The following SGCZ variants were observed in gnomAD, a reference collection of about 807,000 sequenced individuals.
The protein encoded by SGCZ is sarcoglycan zeta.
Under a neutral mutation model 41.3 loss-of-function variants are expected in SGCZ, and 40 were observed. The ratio of observed to expected loss-of-function variants is 0.97; its 90% CI spans 0.75 to 1.26. The LOEUF is 1.26. Among genes scored for constraint, SGCZ ranks in the 50% most tolerant of loss-of-function variants. The pLI, the probability that SGCZ is intolerant of heterozygous loss-of-function variation, is 0.00. For synonymous variants in SGCZ, 206 were observed against 137.5 expected, an observed-to-expected ratio of 1.50 and a Z score of -3.49; for missense variants, 552 against 369.8, an observed-to-expected ratio of 1.49 and a Z score of -4.04.
chr8:15,122,780 T>C (rs981723034), intron 1 of SGCZ, among the ~76,000 whole-genome samples: 1 of 152,184 alleles, frequency 6.6e-6, no homozygotes, highest in African/African-American at 2.4e-5. Context: ...TCAGTAACAG[T>C]TCCTGTTGGT....
At chr8:14,841,622 T>A (rs562561394) in intron 1 of SGCZ, among the ~76,000 whole-genome samples, 16 of 152,120 alleles carry the variant, frequency 1.1e-4, no homozygotes, top group Non-Finnish European at 1.6e-4. Flanking sequence ...AAGGAATACT[T>A]GGAATGTTAT....
intron 1 of SGCZ, among the ~76,000 whole-genome samples, chr8:15,134,167 C>T (rs1191330422): frequency 1.3e-5 from 2 of 152,072 alleles, no homozygotes; most frequent in African/African-American, 4.8e-5. Flanking sequence ...CTTTACACTA[C>T]CTTTCCCTTT....
chr8:15,230,799 G>A (rs1801917084), intron 1 of SGCZ, among the ~76,000 whole-genome samples: 1 of 152,144 alleles, frequency 6.6e-6, no homozygotes, highest in Admixed American at 6.5e-5. Context: ...GCAGTTAAAT[G>A]TTAGGTTGTT....
intron 3 of SGCZ, among the ~76,000 whole-genome samples, chr8:14,299,803 G>A (rs1160166989): frequency 6.6e-6 from 1 of 151,822 alleles, no homozygotes; most frequent in Non-Finnish European, 1.5e-5. Context: ...TATCTCCTAT[G>A]TATTCACCCA....
At chr8:15,032,060 G>A (rs1223988931) in intron 1 of SGCZ, among the ~76,000 whole-genome samples, 1 of 152,010 alleles carries the variant, frequency 6.6e-6, no homozygotes, top group Admixed American at 6.6e-5. Flanking sequence ...CTATGATTTT[G>A]CACAAACAAC....
intron 1 of SGCZ, among the ~76,000 whole-genome samples, chr8:14,938,758 C>A (rs2130816769): frequency 6.6e-6 from 1 of 152,016 alleles, no homozygotes; most frequent in Non-Finnish European, 1.5e-5. Context: ...GAATGGAAAA[C>A]CAAATACCGT....
intron 1 of SGCZ, among the ~76,000 whole-genome samples, chr8:15,228,792 G>T (rs1031214889): frequency 1.3e-5 from 2 of 152,136 alleles, no homozygotes; most frequent in African/African-American, 4.8e-5. Context: ...TGTGGCACAC[G>T]AGTTCACCAA....
At chr8:14,497,279 C>G (rs1018296666) in intron 2 of SGCZ, among the ~76,000 whole-genome samples, 1 of 152,124 alleles carries the variant, frequency 6.6e-6, no homozygotes, top group Non-Finnish European at 1.5e-5. Flanking sequence ...AGCTTATAAT[C>G]ATGGAAGAAG....
intron 1 of SGCZ, among the ~76,000 whole-genome samples, chr8:14,769,649 G>C (rs1008709881): frequency 7.2e-5 from 11 of 151,902 alleles, no homozygotes; most frequent in African/African-American, 2.4e-4. Flanking sequence ...AAAATTAGCT[G>C]GGCATGGTGG....
chr8:14,759,899 C>T (rs1044016254), intron 1 of SGCZ, among the ~76,000 whole-genome samples: 2 of 152,180 alleles, frequency 1.3e-5, no homozygotes, highest in Non-Finnish European at 2.9e-5. Flanking sequence ...ATCAACAGAA[C>T]ACTGCCATTA....
chr8:14,508,086 G>A (rs570336711), intron 2 of SGCZ, among the ~76,000 whole-genome samples: 2 of 148,932 alleles, frequency 1.3e-5, no homozygotes, highest in Non-Finnish European at 3.0e-5. Context: ...TACTTTCTTC[G>A]TGAGATCTAC....
chr8:14,530,318 T>G (rs1008093949), intron 2 of SGCZ, among the ~76,000 whole-genome samples: 3 of 152,108 alleles, frequency 2.0e-5, no homozygotes, highest in South Asian at 2.1e-4. Context: ...TTTTAACTTA[T>G]GACTTTCTCA....
rs1294348012 is a variant in SGCZ at position 15,237,768 on chromosome 8, C to CTT, written c.-146_-145insAA. On this transcript the variant is annotated 5_prime_UTR_variant, in exon 1 of 8. Coordinates refer to ENST00000382080, the MANE Select transcript of SGCZ (RefSeq NM_139167.4). ...AGTCTCATTCTCCGTGGTCACGCCG[C>CTT]CTCCACCGGGTTAAAAATAAGGAAA... 7.3e-6 allele frequency: 5 copies of CTT among 682,492 alleles called. No individual in the cohort carries two copies. The allele number at this position is 682,492 out of a possible 1,614,324, so 42.3% of individuals were successfully genotyped here.
chr8:14,257,044 T>A (rs1205390339), intron 3 of SGCZ, among the ~76,000 whole-genome samples: 2 of 152,058 alleles, frequency 1.3e-5, no homozygotes, highest in African/African-American at 4.8e-5. Context: ...ATTGAACAGG[T>A]TTCTGGCCAG....
At chr8:14,316,264 G>A (rs901406903) in intron 3 of SGCZ, among the ~76,000 whole-genome samples, 5 of 151,950 alleles carry the variant, frequency 3.3e-5, no homozygotes, top group Admixed American at 6.6e-5. Context: ...CTGAGCATAT[G>A]CAATAATTCA....
At chr8:14,855,945 CA>C (rs1324569918) in intron 1 of SGCZ, among the ~76,000 whole-genome samples, 2 of 152,166 alleles carry the variant, frequency 1.3e-5, no homozygotes, top group African/African-American at 4.8e-5. Flanking sequence ...CCGAATTTTG[CA>C]AGACATTTTC....
chr8:14,917,256 T>G (rs929558508), intron 1 of SGCZ, among the ~76,000 whole-genome samples: 1 of 152,104 alleles, frequency 6.6e-6, no homozygotes, highest in Non-Finnish European at 1.5e-5. Flanking sequence ...TGGACAATAA[T>G]AATGTAATAT....
At chr8:14,533,447 TA>T (rs1311859115) in intron 2 of SGCZ, among the ~76,000 whole-genome samples, 2 of 152,062 alleles carry the variant, frequency 1.3e-5, no homozygotes, top group Non-Finnish European at 2.9e-5. Flanking sequence ...TTGAGATTTT[TA>T]AAAACATTCT....
At chr8:15,236,438 G>GT (rs1802121321) in intron 1 of SGCZ, among the ~76,000 whole-genome samples, 1 of 151,796 alleles carries the variant, frequency 6.6e-6, no homozygotes, top group African/African-American at 2.4e-5. Flanking sequence ...TCTCCAGCGG[G>GT]TGGGGGGGTG....
Sources: allele counts gnomAD v4.1 joint callset (sites outside exome capture counted in the v4.1 genomes callset), GRCh38; gene constraint gnomAD v4.1.1; transcripts MANE v1.5; gene names NCBI Gene and HGNC (gene_info 2026-07-23, HGNC 2026-07-21).